Variants in PCYT1B observed in about 807,000 individuals in gnomAD.
PCYT1B encodes choline-phosphate cytidylyltransferase B.
A neutral mutation model predicts 26.4 loss-of-function variants in PCYT1B; 10 were observed. The observed-to-expected ratio is 0.38, with a 90% CI of 0.23 to 0.64. The LOEUF is 0.64. Ranked by LOEUF, PCYT1B falls within the 30% of genes least tolerant of loss-of-function variation. The probability of loss-of-function intolerance (pLI) is 0.56; values close to 1 mark genes in which losing one functional copy is unlikely to be tolerated. For missense variants in PCYT1B, 161 were observed against 292.7 expected (o/e 0.55, Z 3.28); for synonymous variants, 131 against 108.4 (o/e 1.21, Z -1.29).
intron 1 of PCYT1B, among the ~76,000 whole-genome samples, chrX:24,623,983 T>TG (rs1391125926): frequency 9.8e-6 from 1 of 101,857 alleles, no homozygotes; most frequent in Non-Finnish European, 2.0e-5. Flanking sequence ...TTTTTTTTTT[T>TG]TTTTTTGAGA....
rs61762692 is a variant in PCYT1B, at chrX:24,562,124, G to A, written c.*169C>T. ...ACCTCGCCCAACTCTTCAGCTGTACGGAGAGTGAGAGAGAACTGGTCCCAA... is the reference window on the plus strand; with the variant it reads ...ACCTCGCCCAACTCTTCAGCTGTACAGAGAGTGAGAGAGAACTGGTCCCAA... On this transcript the variant is annotated 3_prime_UTR_variant, in exon 8 of 8. Transcript: ENST00000379144. The A allele has an allele frequency of 7.4e-5, 90 of 1,208,936 alleles. No homozygotes were observed. The highest frequency in any genetic ancestry group is 5.9e-4 in the African/African-American group (34 of 57,219).
chrX:24,657,004 G>C (rs966882951), intron 1 of PCYT1B, among the ~76,000 whole-genome samples: 1 of 111,584 alleles, frequency 9.0e-6, no homozygotes, highest in Non-Finnish European at 1.9e-5. Context: ...ATGACGGCAG[G>C]GTTTTTTGCA....
At chrX:24,573,308 T>TA in intron 7 of PCYT1B, among the ~76,000 whole-genome samples, 1 of 110,481 alleles carries the variant, frequency 9.1e-6, no homozygotes, top group East Asian at 2.9e-4. Flanking sequence ...GGACTACAGA[T>TA]ACGCGCCACC....
chrX:24,658,684 A>G (rs777445083), intron 1 of PCYT1B, among the ~76,000 whole-genome samples: 5 of 111,264 alleles, frequency 4.5e-5, no homozygotes, highest in African/African-American at 1.3e-4. Flanking sequence ...TTGTAATTAC[A>G]TTGAGTTCCT....
At chrX:24,651,664 C>G (rs1201282951), upstream of PCYT1B, among the ~76,000 whole-genome samples, 1 of 103,416 alleles carries the variant, frequency 9.7e-6, no homozygotes, top group Non-Finnish European at 2.0e-5. Flanking sequence ...GCTGGGACTA[C>G]AGGACACGCA....
At chrX:24,660,784 T>A (rs889817018) in intron 1 of PCYT1B, among the ~76,000 whole-genome samples, 12 of 110,907 alleles carry the variant, frequency 1.1e-4, no homozygotes, top group African/African-American at 3.6e-4. Context: ...TTTGAGAAGA[T>A]ATTCTCTTGA....
chrX:24,637,487 A>ATATATATATATATAT (rs1218518627), intron 1 of PCYT1B, among the ~76,000 whole-genome samples: 30 of 56,141 alleles, frequency 5.3e-4, no homozygotes, highest in Middle Eastern at 8.0e-3. Context: ...ACTAAAAAAA[A>ATATATATATATATAT]AAAAATATAT....
At chrX:24,636,152 G>A (rs1423094196) in intron 1 of PCYT1B, among the ~76,000 whole-genome samples, 1 of 112,391 alleles carries the variant, frequency 8.9e-6, no homozygotes, top group African/African-American at 3.2e-5. Context: ...TCTGTTAGCA[G>A]CCAAGAGCTA....
intron 7 of PCYT1B, among the ~76,000 whole-genome samples, chrX:24,571,201 TAAAAATAC>T (rs1388379847): frequency 1.8e-5 from 2 of 110,986 alleles, no homozygotes; most frequent in African/African-American, 3.3e-5. Context: ...CCGTCTCTAC[TAAAAATAC>T]AAAAATTAGC....
At chrX:24,622,248 G>A (rs1925722849) in intron 1 of PCYT1B, among the ~76,000 whole-genome samples, 1 of 111,975 alleles carries the variant, frequency 8.9e-6, no homozygotes, top group Non-Finnish European at 1.9e-5. Context: ...ATCAAGCTCT[G>A]CATTCAGGAA....
chrX:24,571,500 TATCATC>T (rs59226167), intron 7 of PCYT1B, among the ~76,000 whole-genome samples: 18 of 105,408 alleles, frequency 1.7e-4, no homozygotes, highest in African/African-American at 6.0e-4. Context: ...TCTTATTTAC[TATCATC>T]ATCATCATCA....
At chrX:24,646,751 A>C (rs767140986) in intron 1 of PCYT1B, among the ~76,000 whole-genome samples, 1 of 111,236 alleles carries the variant, frequency 9.0e-6, no homozygotes, top group African/African-American at 3.3e-5. Flanking sequence ...AAGCACAAAA[A>C]CACAGCATAT....
chrX:24,593,807 G>C (rs747919139), intron 3 of PCYT1B, among the ~76,000 whole-genome samples: 16 of 110,959 alleles, frequency 1.4e-4, no homozygotes, highest in Non-Finnish European at 2.3e-4. Context: ...GATTATAGGC[G>C]TGAGCCACCG....
chrX:24,594,450 A>AT (rs960024639), intron 3 of PCYT1B, among the ~76,000 whole-genome samples: 1 of 111,127 alleles, frequency 9.0e-6, no homozygotes, highest in Non-Finnish European at 1.9e-5. Flanking sequence ...AGATTCATCC[A>AT]TTTTCCATTT....
Position 24,559,120 on chromosome X carries a change from C to T in PCYT1B, c.*3173G>A, listed in dbSNP as rs891917581. On this transcript the variant is annotated 3_prime_UTR_variant, in exon 8 of 8. Transcript: ENST00000379144. ...TCACCTGAGGTCAGGAATTTGAGAC[C>T]AGCCTGGCCAACATGGTGAAACCCC... 1.8e-5 allele frequency: 2 copies of T among 110,500 alleles called. No homozygotes were observed. Among genetic ancestry groups the T allele is most frequent in the East Asian group, 5.7e-4 (2 of 3,503 alleles). The allele number at this position is 110,500 out of a possible 1,213,427, so 9.1% of individuals were successfully genotyped here. A position where few individuals can be genotyped will look rare whatever the true frequency, so the allele number is the denominator to read the frequency against.
chrX:24,598,978 T>A (rs1251274055), intron 3 of PCYT1B, among the ~76,000 whole-genome samples: 3 of 112,120 alleles, frequency 2.7e-5, no homozygotes, highest in Admixed American at 1.9e-4. Context: ...AAGCATTTTA[T>A]CAAAAATTAC....
intron 1 of PCYT1B, among the ~76,000 whole-genome samples, chrX:24,656,234 G>GGC (rs1555966038): frequency 1.0e-5 from 1 of 99,693 alleles, no homozygotes; most frequent in Non-Finnish European, 2.0e-5. Context: ...GGTCGCGGGG[G>GGC]GGGGTGGTAA....
intron 3 of PCYT1B, among the ~76,000 whole-genome samples, chrX:24,599,981 C>A (rs1211044996): frequency 9.0e-6 from 1 of 111,093 alleles, no homozygotes; most frequent in Non-Finnish European, 1.9e-5. Context: ...AATCTCAGCT[C>A]ATGGCAACCT....
chrX:24,604,520 T>C (rs1054900613), intron 3 of PCYT1B, among the ~76,000 whole-genome samples: 6 of 112,294 alleles, frequency 5.3e-5, no homozygotes, highest in Non-Finnish European at 7.5e-5. Context: ...TTATTTATTA[T>C]TGTTTGTGTT....
Sources: allele counts gnomAD v4.1 joint callset (sites outside exome capture counted in the v4.1 genomes callset), GRCh38; gene constraint gnomAD v4.1.1; transcripts MANE v1.5; gene names NCBI Gene and HGNC (gene_info 2026-07-23, HGNC 2026-07-21).